Variants in CFAP47 observed in about 807,000 individuals in gnomAD.
The protein encoded by CFAP47 is cilia- and flagella-associated protein 47.
In CFAP47, 29 loss-of-function variants were observed where a neutral mutation model predicts 148.1. The ratio of observed to expected loss-of-function variants is 0.20; its 90% confidence interval spans 0.15 to 0.27. The LOEUF is 0.27. CFAP47 is among the 10% of genes least tolerant of loss of function. The pLI, the probability that CFAP47 is intolerant of heterozygous loss-of-function variation, is 1.00. For missense variants in CFAP47, 1,872 were observed against 1,697.5 expected, an observed-to-expected ratio of 1.10 and a Z score of -1.81; for synonymous variants, 664 against 577.3, an observed-to-expected ratio of 1.15 and a Z score of -2.15.
chrX:36,174,720 G>T (rs1382022241), intron 39 of CFAP47, among the ~76,000 whole-genome samples: 5 of 109,398 alleles, frequency 4.6e-5, no homozygotes, highest in African/African-American at 1.7e-4. Flanking sequence ...CTTTCTCTCT[G>T]GCTGCCCTTA....
intron 57 of CFAP47, among the ~76,000 whole-genome samples, chrX:36,333,570 A>T (rs1432196625): frequency 4.5e-5 from 5 of 111,406 alleles, no homozygotes; most frequent in Non-Finnish European, 9.4e-5. Context: ...CTCCAACACT[A>T]TATTTCTTAA....
At chrX:36,011,816 G>A (rs2089813745) in intron 21 of CFAP47, among the ~76,000 whole-genome samples, 2 of 111,997 alleles carry the variant, frequency 1.8e-5, no homozygotes, top group Non-Finnish European at 3.8e-5. Flanking sequence ...TGTTCACTCT[G>A]ATGCTAGTTT....
At chrX:36,225,393 A>T (rs1940258703) in intron 45 of CFAP47, among the ~76,000 whole-genome samples, 1 of 112,040 alleles carries the variant, frequency 8.9e-6, no homozygotes, top group South Asian at 3.7e-4. Flanking sequence ...TTGCACTAGA[A>T]AATGACAGCA....
chrX:35,970,363 A>AT (rs1185077276), intron 10 of CFAP47, among the ~76,000 whole-genome samples: 6 of 108,792 alleles, frequency 5.5e-5, no homozygotes, highest in South Asian at 3.9e-4. Context: ...ATTATTGTAC[A>AT]TTTTTTTTTC....
rs139041568 is a variant in CFAP47, at chrX:35,920,501, T to A, written c.249+453T>A. ...TAACAAACATTTGTTAAGCACCTAC[T>A]ATATAACGGGTAATAGACATGAGGA... On this transcript the variant is annotated intron_variant, in intron 1 of 63. Coordinates refer to ENST00000378653, the MANE Select transcript of CFAP47 (RefSeq NM_001304548.2). Among the ~76,000 whole-genome samples, 33 of 111,966 alleles carry A rather than the reference T, an allele frequency of 2.9e-4. No homozygotes were observed. In the East Asian group the frequency reaches 9.0e-3, roughly 30 times the overall value.
At chrX:36,339,941 A>T (rs1373189620) in intron 57 of CFAP47, among the ~76,000 whole-genome samples, 1 of 111,931 alleles carries the variant, frequency 8.9e-6, no homozygotes, top group Non-Finnish European at 1.9e-5. Flanking sequence ...ATTTGTGTTT[A>T]TTCCCCAGTT....
chrX:35,924,208 T>C (rs1036114269), intron 1 of CFAP47, among the ~76,000 whole-genome samples: 9 of 105,126 alleles, frequency 8.6e-5, no homozygotes, highest in Non-Finnish European at 1.2e-4. Flanking sequence ...TATGGACATG[T>C]ATGTGTGCAT....
At chrX:36,051,616 C>A (rs1937520589) in intron 26 of CFAP47, among the ~76,000 whole-genome samples, 1 of 111,828 alleles carries the variant, frequency 8.9e-6, no homozygotes, top group African/African-American at 3.3e-5. Flanking sequence ...TCTGATTTTA[C>A]AAGCTAAGCG....
chrX:35,986,045 G>C (rs1013518204), intron 15 of CFAP47: 1 of 243,856 alleles, frequency 4.1e-6, no homozygotes, highest in Admixed American at 3.9e-5. Flanking sequence ...TGCCGGTTCT[G>C]AAATTTGAAC....
At chrX:36,002,433 A>C (rs754057621) in intron 21 of CFAP47, among the ~76,000 whole-genome samples, 1 of 111,343 alleles carries the variant, frequency 9.0e-6, no homozygotes, top group Admixed American at 9.6e-5. Flanking sequence ...CTAAAAGTAC[A>C]AAAATTAGTG....
At chrX:36,004,265 C>G (rs780360289) in intron 21 of CFAP47, among the ~76,000 whole-genome samples, 171 of 111,112 alleles carry the variant, frequency 1.5e-3, no homozygotes, top group African/African-American at 5.5e-3. Flanking sequence ...GCGTGAGCCA[C>G]TGCACCAGAC....
intron 29 of CFAP47, among the ~76,000 whole-genome samples, chrX:36,077,259 G>A (rs1937881989): frequency 2.1e-5 from 1 of 47,729 alleles, no homozygotes; most frequent in African/African-American, 8.3e-5. Flanking sequence ...GCTTATTTTT[G>A]GTTACATATG....
chrX:36,065,512 A>C (rs1300409557), intron 26 of CFAP47, 131 bp from the exon 27 acceptor site: 3 of 438,592 alleles, frequency 6.8e-6, no homozygotes, highest in African/African-American at 2.5e-5. Context: ...GGTTAAAAAA[A>C]CAAAGTAAGT....
chrX:36,262,750 T>G (rs782592856), intron 49 of CFAP47, among the ~76,000 whole-genome samples: 1 of 112,265 alleles, frequency 8.9e-6, no homozygotes, highest in African/African-American at 3.2e-5. Flanking sequence ...GATTACTGGA[T>G]CATACAGTAT....
intron 4 of CFAP47, 77 bp downstream of exon 4, chrX:35,948,529 T>C (rs1936117615): frequency 2.5e-6 from 2 of 798,952 alleles, no homozygotes; most frequent in Non-Finnish European, 3.6e-6. Flanking sequence ...GATGTGACTT[T>C]GATTGTATGT....
chrX:36,331,510 G>C (rs1382743081), intron 57 of CFAP47, among the ~76,000 whole-genome samples: 1 of 111,132 alleles, frequency 9.0e-6, no homozygotes, highest in Non-Finnish European at 1.9e-5. Context: ...TGGATATCCA[G>C]TACACTTCTC....
intron 29 of CFAP47, among the ~76,000 whole-genome samples, chrX:36,075,008 T>TTCA (rs1331956510): frequency 9.0e-6 from 1 of 110,633 alleles, no homozygotes; most frequent in East Asian, 2.8e-4. Context: ...TCTTTATCCA[T>TTCA]TCATCTGTTG....
chrX:36,304,361 G>A (rs956694487), intron 54 of CFAP47, among the ~76,000 whole-genome samples: 17 of 103,356 alleles, frequency 1.6e-4, no homozygotes, highest in African/African-American at 5.8e-4. Flanking sequence ...CATCCTGGAC[G>A]ATAGAACGAG....
At chrX:36,008,300 T>G (rs1601928686) in intron 21 of CFAP47, among the ~76,000 whole-genome samples, 1 of 111,635 alleles carries the variant, frequency 9.0e-6, no homozygotes, top group Non-Finnish European at 1.9e-5. Context: ...GTCCTCTGTA[T>G]TTTTCTGGGC....
Sources: gnomAD v4.1 joint callset for allele counts (sites outside exome capture counted in the v4.1 genomes callset) on GRCh38, gnomAD v4.1.1 for gene constraint, MANE v1.5 for transcripts, NCBI Gene and HGNC (gene_info 2026-07-23, HGNC 2026-07-21) for gene names.